Variants in PWWP3B observed in about 807,000 individuals in gnomAD.
PWWP3B encodes the protein PWWP domain-containing DNA repair factor 3B.
Under a neutral mutation model 15.7 loss-of-function variants are expected in PWWP3B, and 5 were observed. That is an observed-to-expected ratio of 0.32 (90% CI 0.17 to 0.67). PWWP3B has a LOEUF of 0.67. PWWP3B is among the 30% of genes least tolerant of loss of function. The pLI, the probability that PWWP3B is intolerant of heterozygous loss-of-function variation, is 0.74. For synonymous variants in PWWP3B, 203 were observed against 179.8 expected, an observed-to-expected ratio of 1.13 and a Z score of -1.03; for missense variants, 519 against 493.1, an observed-to-expected ratio of 1.05 and a Z score of -0.50.
intron 2 of PWWP3B, among the ~76,000 whole-genome samples, chrX:106,196,010 A>G (rs1307620878): frequency 8.9e-6 from 1 of 112,105 alleles, no homozygotes; most frequent in African/African-American, 3.2e-5. Flanking sequence ...AATCTTGTAC[A>G]TAGTTATCCT....
At chrX:106,184,585 C>G (rs938419432) in intron 2 of PWWP3B, among the ~76,000 whole-genome samples, 3 of 111,750 alleles carry the variant, frequency 2.7e-5, no homozygotes, top group Non-Finnish European at 5.6e-5. Flanking sequence ...ATTTACTTGA[C>G]TAAGATACCA....
At chrX:106,193,670 C>T (rs751934040) in intron 2 of PWWP3B, among the ~76,000 whole-genome samples, 1 of 112,013 alleles carries the variant, frequency 8.9e-6, no homozygotes, top group Non-Finnish European at 1.9e-5. Flanking sequence ...TTTTGCAGTG[C>T]CTGGTACTGG....
At chrX:106,191,339 C>T (rs1451556674) in intron 2 of PWWP3B, among the ~76,000 whole-genome samples, 1 of 110,364 alleles carries the variant, frequency 9.1e-6, no homozygotes, top group East Asian at 2.9e-4. Context: ...TGATTTGGCT[C>T]TCTGTCTGTT....
intron 2 of PWWP3B, among the ~76,000 whole-genome samples, chrX:106,202,329 C>G (rs1923750469): frequency 9.0e-6 from 1 of 111,652 alleles, no homozygotes; most frequent in African/African-American, 3.3e-5. Context: ...GTGGCCAGGT[C>G]ACCATTTTAA....
intron 2 of PWWP3B, among the ~76,000 whole-genome samples, chrX:106,179,515 A>G (rs1922074713): frequency 8.9e-6 from 1 of 111,892 alleles, no homozygotes. Flanking sequence ...ATTTATTTAC[A>G]CCTTTTCCAT....
At position 106,206,546 on chromosome X, in the gene PWWP3B, G is replaced by C. The variant is rs373681436; in HGVS notation, c.1114G>C (p.Asp372His). Residue 372 changes from aspartate (D) to histidine (H), a missense_variant, in exon 4 of 4, where the codon GAT becomes CAT. Physicochemically the swap from Asp to His is moderately conservative, Grantham distance 81. Transcript: ENST00000357175. Reference sequence around the variant, plus strand: ...CATTAATCTTTCTCTATTAGATGATGATGAGGAAGACGAAGAACTTCCACG... The same window carrying C: ...CATTAATCTTTCTCTATTAGATGATCATGAGGAAGACGAAGAACTTCCACG... The part of the protein sequence containing the change: ...SRINLSLLDD[D>H]EEDEELPRFI... The C allele has an allele frequency of 3.3e-6, 4 of 1,207,201 alleles. No homozygotes were observed. The highest frequency in any genetic ancestry group is 4.5e-6 in the Non-Finnish European group (4 of 893,879).
At chrX:106,198,545 A>G (rs1418298862) in intron 2 of PWWP3B, among the ~76,000 whole-genome samples, 1 of 111,696 alleles carries the variant, frequency 9.0e-6, no homozygotes, top group Non-Finnish European at 1.9e-5. Context: ...GTGCTTGAGA[A>G]CATTGCCTGG....
At chrX:106,199,340 G>A (rs1923564206) in intron 2 of PWWP3B, among the ~76,000 whole-genome samples, 1 of 112,144 alleles carries the variant, frequency 8.9e-6, no homozygotes, top group South Asian at 3.7e-4. Flanking sequence ...ACAGGCGTGA[G>A]CCACTGAGCC....
At chrX:106,194,457 A>T (rs905747125) in intron 2 of PWWP3B, among the ~76,000 whole-genome samples, 1 of 111,017 alleles carries the variant, frequency 9.0e-6, no homozygotes, top group Non-Finnish European at 1.9e-5. Flanking sequence ...TTTTTTTCAA[A>T]GCTTTTAACT....
chrX:106,195,017 G>A (rs758055286), intron 2 of PWWP3B, among the ~76,000 whole-genome samples: 6 of 111,680 alleles, frequency 5.4e-5, no homozygotes, highest in African/African-American at 1.3e-4. Context: ...AAGTCTGCCC[G>A]TTCTCAGATC....
At chrX:106,191,002 G>A (rs1922905361) in intron 2 of PWWP3B, among the ~76,000 whole-genome samples, 1 of 110,972 alleles carries the variant, frequency 9.0e-6, no homozygotes. Flanking sequence ...TTGTTCTTTT[G>A]GCTTAGGATT....
In PWWP3B at chrX:106,207,803, A is replaced by G. The variant is rs925197128; in HGVS notation, c.*280A>G. On this transcript the variant is annotated 3_prime_UTR_variant, in exon 4 of 4. Transcript: ENST00000357175. ...TAAATGATTTTGAAGGGAAAGTACT[A>G]TTTTGTTTTATGACACTTTTGAGTC... 4.1e-6 allele frequency: 1 copy of G among 242,146 alleles called. No homozygotes were observed. Among genetic ancestry groups the G allele is most frequent in the East Asian group, 7.4e-5 (1 of 13,470 alleles). 20.0% of individuals were successfully genotyped at this position (242,146 alleles called of 1,213,427 possible).
intron 2 of PWWP3B, among the ~76,000 whole-genome samples, chrX:106,175,359 G>A (rs772248806): frequency 4.5e-4 from 46 of 103,265 alleles, no homozygotes; most frequent in African/African-American, 1.5e-3. Context: ...TCCTGCCTCA[G>A]CCTCCCGAGT....
In PWWP3B at chrX:106,206,707, T is replaced by G; in HGVS notation, c.1275T>G (p.Val425=). The change falls in exon 4 of 4, where the codon GTT becomes GTG. Residue 425 remains valine, a synonymous_variant. Coordinates refer to ENST00000357175, the MANE Select transcript of PWWP3B (RefSeq NM_001171020.2). ...AGAGGAAAGCAAGTGTGCTTTTTGT[T>G]GAGGCAAACATGAATTCTGAAAAGA... ...RKERKASVLF[V]EANMNSEKKG... is the part of the protein sequence containing the mutation. The G allele has an allele frequency of 3.3e-6, 4 of 1,210,150 alleles. No individual in the cohort carries two copies. The highest frequency in any genetic ancestry group is 3.4e-6 in the Non-Finnish European group (3 of 894,702).
chrX:106,176,189 G>A (rs1225921342), intron 2 of PWWP3B, among the ~76,000 whole-genome samples: 1 of 111,449 alleles, frequency 9.0e-6, no homozygotes, highest in Non-Finnish European at 1.9e-5. Flanking sequence ...CACCTCCCGG[G>A]TTCAAGTCAT....
In PWWP3B at chrX:106,174,848, GACCAGGCTGGC is replaced by G. The variant is rs199766571; in HGVS notation, c.-401+3710_-401+3720del. On this transcript the variant is annotated intron_variant, in intron 2 of 3. Transcript: ENST00000357175. ...AGATCACCTGAAGTCAGGAGTTTTA[GACCAGGCTGGC>G]CAACATGGTGAAACCCCATCTCTAC... Among the ~76,000 whole-genome samples the G allele has an allele frequency of 8.9e-3, 982 of 110,534 alleles. 14 individuals are homozygous for G. The highest frequency in any genetic ancestry group is 0.03 in the African/African-American group (910 of 30,329).
chrX:106,191,402 A>AG (rs1190181244), intron 2 of PWWP3B, among the ~76,000 whole-genome samples: 1 of 111,449 alleles, frequency 9.0e-6, no homozygotes, highest in South Asian at 3.8e-4. Context: ...GTATCCTGAG[A>AG]TTTGCTGAAG....
intron 2 of PWWP3B, among the ~76,000 whole-genome samples, chrX:106,184,827 C>T (rs1057215377): frequency 9.0e-6 from 1 of 111,043 alleles, no homozygotes; most frequent in African/African-American, 3.3e-5. Flanking sequence ...GGCCAAATTC[C>T]CTTCCCCCTA....
At chrX:106,200,398 G>C (rs192211976) in intron 2 of PWWP3B, among the ~76,000 whole-genome samples, 101 of 111,068 alleles carry the variant, frequency 9.1e-4, no homozygotes, top group African/African-American at 3.1e-3. Context: ...CTAATTATTA[G>C]AGTCCCCAGT....
Sources: gnomAD v4.1 joint callset for allele counts (sites outside exome capture counted in the v4.1 genomes callset) on GRCh38, gnomAD v4.1.1 for gene constraint, MANE v1.5 for transcripts, NCBI Gene and HGNC (gene_info 2026-07-23, HGNC 2026-07-21) for gene names.